ERI3: variants seen among roughly 807,000 people sequenced by gnomAD.
The protein encoded by ERI3 is ERI1 exoribonuclease 3.
A neutral mutation model predicts 44.4 loss-of-function variants in ERI3; 18 were observed. The ratio of observed to expected loss-of-function variants is 0.41; its 90% CI spans 0.28 to 0.60. The LOEUF (loss-of-function observed/expected upper bound fraction) is 0.60, where lower values mean the gene tolerates loss of function less well. Among genes scored for constraint, ERI3 ranks in the 20% least tolerant of loss-of-function variants. The pLI, the probability that ERI3 is intolerant of heterozygous loss-of-function variation, is 0.36. For synonymous variants in ERI3, 183 were observed against 164.8 expected (o/e 1.11, Z -0.84); for missense variants, 294 against 435.5 (o/e 0.68, Z 2.89).
intron 1 of ERI3, chr1:44,353,242 T>C: frequency 1.0e-6 from 1 of 985,080 alleles, no homozygotes; most frequent in Non-Finnish European, 1.2e-6. Context: ...AGGAAGACAC[T>C]GGTAAGGCTG....
chr1:44,293,607 G>A (rs185805755), intron 6 of ERI3, among the ~76,000 whole-genome samples: 3 of 152,330 alleles, frequency 2.0e-5, no homozygotes, highest in Non-Finnish European at 2.9e-5. Context: ...CCCCACAGAT[G>A]TCAGGAGCCA....
intron 7 of ERI3, among the ~76,000 whole-genome samples, chr1:44,269,152 T>C (rs1304464283): frequency 1.3e-5 from 2 of 152,124 alleles, no homozygotes; most frequent in African/African-American, 4.8e-5. Context: ...CATGTTTAGA[T>C]GGGAGCAAAA....
Position 44,224,484 on chromosome 1 carries a change from C to T in ERI3, c.932-2844G>A, listed in dbSNP as rs140556031. 5.6e-3 allele frequency among the ~76,000 whole-genome samples: 854 copies of T among 152,356 alleles called. 7 individuals are homozygous for T. The highest frequency in any genetic ancestry group is 0.019 in the African/African-American group (807 of 41,584). Reference sequence around the variant, plus strand: ...TTTCACCCACTGGCTGCATACCACACAGCAAGGGCTTAGCGTCTCTAATAC... The same window carrying T: ...TTTCACCCACTGGCTGCATACCACATAGCAAGGGCTTAGCGTCTCTAATAC... On this transcript the variant is annotated intron_variant, in intron 8 of 8. Coordinates refer to ENST00000372257, the MANE Select transcript of ERI3 (RefSeq NM_024066.3).
At chr1:44,322,912 C>T in intron 3 of ERI3, 1 of 1,519,596 alleles carries the variant, frequency 6.6e-7, no homozygotes, top group African/African-American at 1.4e-5. Flanking sequence ...GGAACCCCAA[C>T]ACTACAGGTT....
At chr1:44,342,867 T>TAA (rs1646711037) in intron 2 of ERI3, among the ~76,000 whole-genome samples, 1 of 36,446 alleles carries the variant, frequency 2.7e-5, no homozygotes, top group Non-Finnish European at 6.2e-5. Flanking sequence ...ATTTTTTTTT[T>TAA]TTTTTTTTTT....
intron 2 of ERI3, among the ~76,000 whole-genome samples, chr1:44,341,017 T>TA (rs757066345): frequency 6.6e-6 from 1 of 152,230 alleles, no homozygotes; most frequent in African/African-American, 2.4e-5. Flanking sequence ...CTCAAGGACT[T>TA]AGACTCTTCT....
At chr1:44,237,829 A>AG (rs1644339365) in intron 8 of ERI3, among the ~76,000 whole-genome samples, 1 of 152,290 alleles carries the variant, frequency 6.6e-6, no homozygotes, top group Admixed American at 6.5e-5. Context: ...GGCATCCATC[A>AG]GGGGCTCCCG....
At chr1:44,335,638 A>G (rs1646519823) in intron 3 of ERI3, among the ~76,000 whole-genome samples, 1 of 151,674 alleles carries the variant, frequency 6.6e-6, no homozygotes, top group Admixed American at 6.6e-5. Flanking sequence ...GCATGCCTGT[A>G]ATCCTGGCTA....
intron 3 of ERI3, among the ~76,000 whole-genome samples, chr1:44,324,843 G>A (rs943261570): frequency 1.3e-5 from 2 of 152,144 alleles, no homozygotes; most frequent in Non-Finnish European, 2.9e-5. Flanking sequence ...GCACTGGGCT[G>A]TCTGCCAACG....
At chr1:44,230,883 T>C (rs1229126827) in intron 8 of ERI3, among the ~76,000 whole-genome samples, 1 of 152,194 alleles carries the variant, frequency 6.6e-6, no homozygotes, top group Non-Finnish European at 1.5e-5. Flanking sequence ...CTACTACTCT[T>C]CCTTTGAAAT....
At chr1:44,264,177 G>C (rs1411044293) in intron 7 of ERI3, among the ~76,000 whole-genome samples, 1 of 152,206 alleles carries the variant, frequency 6.6e-6, no homozygotes, top group African/African-American at 2.4e-5. Context: ...AATAAATCTT[G>C]CATGAGCAGG....
intron 5 of ERI3, among the ~76,000 whole-genome samples, chr1:44,310,585 G>A (rs1026651261): frequency 6.6e-6 from 1 of 152,130 alleles, no homozygotes; most frequent in African/African-American, 2.4e-5. Context: ...GGCCTCGTGT[G>A]CTCAGCAGGA....
intron 2 of ERI3, among the ~76,000 whole-genome samples, chr1:44,345,793 G>C (rs2154331980): frequency 6.6e-6 from 1 of 152,302 alleles, no homozygotes; most frequent in East Asian, 1.9e-4. Context: ...GAAAACCTAA[G>C]AGGCAACACA....
chr1:44,330,126 T>C (rs1479474996), intron 3 of ERI3, among the ~76,000 whole-genome samples: 1 of 152,220 alleles, frequency 6.6e-6, no homozygotes. Flanking sequence ...GCTTATAACA[T>C]CTATTTCTGT....
intron 2 of ERI3, among the ~76,000 whole-genome samples, chr1:44,344,740 C>G (rs554375605): frequency 6.6e-6 from 1 of 152,348 alleles, no homozygotes; most frequent in African/African-American, 2.4e-5. Context: ...TGCAAACTAT[C>G]TTTCATCAGA....
At chr1:44,272,265 C>T (rs900027926) in intron 7 of ERI3, among the ~76,000 whole-genome samples, 3 of 152,224 alleles carry the variant, frequency 2.0e-5, no homozygotes, top group Non-Finnish European at 4.4e-5. Flanking sequence ...GTCTACTTGA[C>T]TCCAGAGCCT....
chr1:44,284,195 C>G (rs1645345860), intron 7 of ERI3: 2 of 392,832 alleles, frequency 5.1e-6, no homozygotes, highest in African/African-American at 4.2e-5. Flanking sequence ...CATTCTCTGC[C>G]AGGGCTCACT....
intron 7 of ERI3, among the ~76,000 whole-genome samples, chr1:44,261,389 G>T (rs1173351615): frequency 6.6e-6 from 1 of 152,200 alleles, no homozygotes; most frequent in African/African-American, 2.4e-5. Flanking sequence ...CTCAAAATCC[G>T]ATTCATACCA....
intron 8 of ERI3, among the ~76,000 whole-genome samples, chr1:44,222,805 C>T (rs918871239): frequency 3.9e-5 from 6 of 152,150 alleles, no homozygotes; most frequent in South Asian, 2.1e-4. Context: ...TTCATAGGAT[C>T]GATGCTGTGA....
Sources: allele counts gnomAD v4.1 joint callset (sites outside exome capture counted in the v4.1 genomes callset), GRCh38; gene constraint gnomAD v4.1.1; transcripts MANE v1.5; gene names NCBI Gene and HGNC (gene_info 2026-07-23, HGNC 2026-07-21).